AIM2: variants seen among roughly 807,000 people sequenced by gnomAD.
AIM2 encodes the protein absent in melanoma 2.
In AIM2, 30 loss-of-function variants were observed where a neutral mutation model predicts 27.7. That is an observed-to-expected ratio of 1.08 (90% CI 0.81 to 1.47). The LOEUF is 1.47. Ranked by LOEUF, AIM2 falls within the 40% of genes most tolerant of loss-of-function variation. The pLI is 0.00. For synonymous variants in AIM2, 141 were observed against 145.3 expected, an observed-to-expected ratio of 0.97 and a Z score of 0.21; for missense variants, 358 against 411.3, an observed-to-expected ratio of 0.87 and a Z score of 1.12.
intron 2 of AIM2, among the ~76,000 whole-genome samples, chr1:159,069,179 A>C (rs780646956): frequency 2.6e-5 from 4 of 151,904 alleles, no homozygotes; most frequent in Non-Finnish European, 5.9e-5. Flanking sequence ...AAAACTATGA[A>C]GTAGTAGTCG....
rs1170850970 is a variant in AIM2 at position 159,065,899 on chromosome 1, T to C, written c.816+11A>G. 1 of 1,574,846 alleles carries C rather than the reference T, an allele frequency of 6.3e-7. No individual in the cohort carries two copies. Among genetic ancestry groups the C allele is most frequent in the Non-Finnish European group, 8.6e-7 (1 of 1,163,774 alleles). ...TTACTAATCAATATGAAATTAGATA[T>C]GAAAACTTACCTTCTGGACTACAAA... On this transcript the variant is annotated intron_variant, in intron 4 of 5. Transcript: ENST00000368130.
chr1:159,118,269 T>C (rs1292137810), intron 1 of AIM2, among the ~76,000 whole-genome samples: 1 of 152,212 alleles, frequency 6.6e-6, no homozygotes, highest in Non-Finnish European at 1.5e-5. Context: ...TGTGGTTTTG[T>C]ATCCCCTTGA....
At chr1:159,085,910 T>C (rs1232656947) in intron 1 of AIM2, among the ~76,000 whole-genome samples, 1 of 152,242 alleles carries the variant, frequency 6.6e-6, no homozygotes, top group Non-Finnish European at 1.5e-5. Context: ...ATCTTAAATG[T>C]TCTAACACAC....
At chr1:159,087,763 G>A (rs1246187214) in intron 1 of AIM2, among the ~76,000 whole-genome samples, 2 of 151,894 alleles carry the variant, frequency 1.3e-5, no homozygotes, top group Non-Finnish European at 2.9e-5. Context: ...AGTAGAGACG[G>A]GGTTTCACCA....
At chr1:159,088,875 C>G (rs1239392137) in intron 1 of AIM2, among the ~76,000 whole-genome samples, 1 of 152,160 alleles carries the variant, frequency 6.6e-6, no homozygotes, top group Non-Finnish European at 1.5e-5. Context: ...TTCTCGGCCT[C>G]GAGAACTGTA....
downstream of AIM2, among the ~76,000 whole-genome samples, chr1:159,058,796 A>G (rs1655737429): frequency 1.3e-5 from 2 of 152,220 alleles, no homozygotes; most frequent in South Asian, 4.1e-4. Context: ...GTCACAGACA[A>G]CATGAAGCAT....
intron 1 of AIM2, among the ~76,000 whole-genome samples, chr1:159,109,785 G>A (rs905846260): frequency 6.6e-6 from 1 of 151,948 alleles, no homozygotes; most frequent in Non-Finnish European, 1.5e-5. Flanking sequence ...ATATACAAAT[G>A]GCCAACAAAC....
chr1:159,116,149 G>C (rs909747525), intron 1 of AIM2, among the ~76,000 whole-genome samples: 6 of 151,348 alleles, frequency 4.0e-5, no homozygotes, highest in South Asian at 2.1e-4. Context: ...TCTCACACCT[G>C]TTAGAATGGC....
intron 1 of AIM2, among the ~76,000 whole-genome samples, chr1:159,132,841 T>A (rs907353638): frequency 2.4e-4 from 36 of 152,342 alleles, no homozygotes; most frequent in African/African-American, 8.2e-4. Context: ...TTCTCTGCTA[T>A]ATTATTATCA....
At chr1:159,065,431 G>C (rs1188870795) in intron 4 of AIM2, among the ~76,000 whole-genome samples, 1 of 151,960 alleles carries the variant, frequency 6.6e-6, no homozygotes, top group Non-Finnish European at 1.5e-5. Context: ...TAAAAAAAAA[G>C]TCTCCTCAGG....
chr1:159,087,237 A>G (rs913643710), intron 1 of AIM2, among the ~76,000 whole-genome samples: 1 of 151,962 alleles, frequency 6.6e-6, no homozygotes, highest in African/African-American at 2.4e-5. Context: ...TGACTCCTAC[A>G]CTACTCAATG....
In AIM2 at chr1:159,073,453, T is replaced by C; in HGVS notation, c.47A>G (p.Asn16Ser). ...CCTATCCAGTTCCTCATCAGTGATG[T>C]TATCCAGGCCTGTTAGCAAGAGTAT... ...KEILLLTGLD[N>S]ITDEELDRFK... Residue 16 changes from asparagine (N) to serine (S), a missense_variant, in exon 2 of 6, where the codon AAC (asparagine) becomes AGC (serine). Physicochemically the swap from Asn to Ser is conservative, Grantham distance 46. Transcript: ENST00000368130. 2 of 1,614,168 alleles carry C rather than the reference T, an allele frequency of 1.2e-6. No homozygotes were observed. Among genetic ancestry groups the C allele is most frequent in the Non-Finnish European group, 1.7e-6 (2 of 1,180,032 alleles).
intron 1 of AIM2, among the ~76,000 whole-genome samples, chr1:159,106,674 T>C (rs560511707): frequency 5.4e-4 from 82 of 152,330 alleles, no homozygotes; most frequent in African/African-American, 1.9e-3. Context: ...TCCTGAATAC[T>C]TTCCTACAAA....
At chr1:159,058,734 C>CTTA (rs1335259899), downstream of AIM2, among the ~76,000 whole-genome samples, 4 of 152,090 alleles carry the variant, frequency 2.6e-5, no homozygotes, top group African/African-American at 9.7e-5. Flanking sequence ...GGGACTTTTC[C>CTTA]TTATTTCAGC....
At chr1:159,136,969 G>A (rs1648021549) in intron 1 of AIM2, among the ~76,000 whole-genome samples, 1 of 152,118 alleles carries the variant, frequency 6.6e-6, no homozygotes, top group Non-Finnish European at 1.5e-5. Context: ...GCTTCTAAAG[G>A]CTTTGGGCCC....
chr1:159,096,360 G>A (rs1170900383), intron 1 of AIM2, among the ~76,000 whole-genome samples: 1 of 151,714 alleles, frequency 6.6e-6, no homozygotes, highest in Non-Finnish European at 1.5e-5. Flanking sequence ...TTGCAGTAAT[G>A]TTGTGAAAAG....
chr1:159,095,312 C>A (rs184715624), intron 1 of AIM2, among the ~76,000 whole-genome samples: 1 of 151,768 alleles, frequency 6.6e-6, no homozygotes, highest in Admixed American at 6.6e-5. Context: ...GCCATTTCCC[C>A]GAGGCAGAAA....
chr1:159,114,092 G>A (rs1197246227), intron 1 of AIM2, among the ~76,000 whole-genome samples: 3 of 152,166 alleles, frequency 2.0e-5, no homozygotes, highest in Non-Finnish European at 2.9e-5. Flanking sequence ...TGAAAGCAAA[G>A]AGCTCTTCCT....
At chr1:159,057,739 AAC>A (rs1026119511), downstream of AIM2, among the ~76,000 whole-genome samples, 4 of 152,234 alleles carry the variant, frequency 2.6e-5, no homozygotes, top group Non-Finnish European at 4.4e-5. Context: ...TAAGTTTTGA[AAC>A]ACAATTTCTT....
Sources: allele counts gnomAD v4.1 joint callset (sites outside exome capture counted in the v4.1 genomes callset), GRCh38; gene constraint gnomAD v4.1.1; transcripts MANE v1.5; gene names NCBI Gene and HGNC (gene_info 2026-07-23, HGNC 2026-07-21).